Variants in PABPC4L observed in about 807,000 individuals in gnomAD.
PABPC4L encodes poly(A) binding protein cytoplasmic 4 like.
For synonymous variants in PABPC4L, 169 were observed against 164.1 expected, an observed-to-expected ratio of 1.03 and a Z score of -0.23; for missense variants, 452 against 451.4, an observed-to-expected ratio of 1.00 and a Z score of -0.01.
At chr4:134,170,324 A>T in the PABPC4L span, among the ~76,000 whole-genome samples, 1 of 152,112 alleles carries the variant, frequency 6.6e-6, no homozygotes, top group African/African-American at 2.4e-5. Context: ...ATTTTTGTTG[A>T]TTCCATGTAT....
chr4:134,183,385 T>C, the PABPC4L span, among the ~76,000 whole-genome samples: 1 of 151,732 alleles, frequency 6.6e-6, no homozygotes, highest in Non-Finnish European at 1.5e-5. Context: ...ACGTTCTCAC[T>C]TATAAGTGGG....
the PABPC4L span, among the ~76,000 whole-genome samples, chr4:133,955,526 C>CATTTTACAT: frequency 6.6e-6 from 1 of 151,986 alleles, no homozygotes; most frequent in East Asian, 1.9e-4. Flanking sequence ...TATATGAATA[C>CATTTTACAT]ATTTTACATG....
At chr4:133,950,426 C>A in the PABPC4L span, among the ~76,000 whole-genome samples, 13 of 152,124 alleles carry the variant, frequency 8.5e-5, no homozygotes, top group African/African-American at 2.7e-4. Context: ...TATTCTTTGG[C>A]AGATCACACA....
chr4:133,979,200 A>C, the PABPC4L span, among the ~76,000 whole-genome samples: 1 of 152,200 alleles, frequency 6.6e-6, no homozygotes, highest in Non-Finnish European at 1.5e-5. Context: ...AGGGAATCTC[A>C]GTGAGCAAAA....
chr4:134,085,290 T>C, the PABPC4L span, among the ~76,000 whole-genome samples: 1 of 152,100 alleles, frequency 6.6e-6, no homozygotes, highest in East Asian at 1.9e-4. Flanking sequence ...AGTATGTATG[T>C]ACATATCATA....
chr4:134,164,575 A>G, the PABPC4L span, among the ~76,000 whole-genome samples: 3,911 of 152,258 alleles, frequency 0.026, 142 homozygotes, highest in African/African-American at 0.088. Context: ...AAAAAATGTG[A>G]AAGATCATTA....
the PABPC4L span, among the ~76,000 whole-genome samples, chr4:134,046,444 C>T: frequency 2.6e-5 from 4 of 152,022 alleles, no homozygotes; most frequent in Admixed American, 6.6e-5. Context: ...AAGGAATGTA[C>T]CATCTGGTTT....
Position 134,200,370 on chromosome 4 carries a change from A to T in PABPC4L, c.650T>A (p.Leu217Gln), listed in dbSNP as rs1560839805. 1 of 1,585,220 alleles carries T rather than the reference A, an allele frequency of 6.3e-7. No homozygotes were observed. Among genetic ancestry groups the T allele is most frequent in the Non-Finnish European group, 8.6e-7 (1 of 1,164,218 alleles). Residue 217 changes from leucine (L) to glutamine (Q), a missense_variant, in exon 2 of 2, where the codon CTG (leucine) becomes CAG (glutamine). Transcript: ENST00000421491. Reference sequence around the variant, plus strand: ...GGAATCTGTCATCACCTTAACACTCAGAGTTTTGCCATATTTGCTGAAAAC... The same window carrying T: ...GGAATCTGTCATCACCTTAACACTCTGAGTTTTGCCATATTTGCTGAAAAC... ...KDVFSKYGKT[L>Q]SVKVMTDSSG...
chr4:134,172,005 A>T, the PABPC4L span, among the ~76,000 whole-genome samples: 1 of 152,124 alleles, frequency 6.6e-6, no homozygotes, highest in African/African-American at 2.4e-5. Context: ...CAGTGCTCAA[A>T]AAAATCAAAG....
At chr4:134,119,544 C>T in the PABPC4L span, among the ~76,000 whole-genome samples, 1 of 151,490 alleles carries the variant, frequency 6.6e-6, no homozygotes, top group South Asian at 2.1e-4. Flanking sequence ...TTATTAACCA[C>T]AATATTATGC....
the PABPC4L span, among the ~76,000 whole-genome samples, chr4:133,960,854 A>C: frequency 6.6e-6 from 1 of 152,044 alleles, no homozygotes; most frequent in Admixed American, 6.5e-5. Context: ...TCCTAGGTAC[A>C]CAACTCCATT....
chr4:134,132,819 T>A, the PABPC4L span, among the ~76,000 whole-genome samples: 1 of 149,496 alleles, frequency 6.7e-6, no homozygotes, highest in Non-Finnish European at 1.5e-5. Context: ...CAAATGCCCA[T>A]CAATCAATAA....
the PABPC4L span, among the ~76,000 whole-genome samples, chr4:134,132,198 A>C: frequency 1.3e-5 from 2 of 152,048 alleles, no homozygotes; most frequent in South Asian, 4.1e-4. Context: ...ATTAAACAGA[A>C]ACAAAAATAA....
At chr4:134,094,749 T>C in the PABPC4L span, among the ~76,000 whole-genome samples, 1 of 151,682 alleles carries the variant, frequency 6.6e-6, no homozygotes, top group Non-Finnish European at 1.5e-5. Context: ...ATTTTTCTTT[T>C]AAAATAGTGT....
At chr4:134,063,557 A>G in the PABPC4L span, among the ~76,000 whole-genome samples, 27 of 152,108 alleles carry the variant, frequency 1.8e-4, no homozygotes, top group Non-Finnish European at 3.4e-4. Flanking sequence ...CCACAATAAT[A>G]TAAACACTTG....
At chr4:134,081,408 G>C in the PABPC4L span, among the ~76,000 whole-genome samples, 574 of 152,248 alleles carry the variant, frequency 3.8e-3, 2 homozygotes, top group African/African-American at 0.013. Flanking sequence ...ATTAGAGGAA[G>C]TTGCATAAAG....
At chr4:134,035,522 T>C in the PABPC4L span, among the ~76,000 whole-genome samples, 1 of 152,014 alleles carries the variant, frequency 6.6e-6, no homozygotes, top group Non-Finnish European at 1.5e-5. Context: ...TTTGTGTGCT[T>C]CATGTTTGAA....
chr4:134,174,568 C>A, the PABPC4L span, among the ~76,000 whole-genome samples: 15 of 152,158 alleles, frequency 9.9e-5, no homozygotes, highest in African/African-American at 3.6e-4. Flanking sequence ...CTTATGGGAC[C>A]ACCATTGTAC....
At chr4:134,082,179 AAGG>A in the PABPC4L span, among the ~76,000 whole-genome samples, 1 of 152,192 alleles carries the variant, frequency 6.6e-6, no homozygotes, top group African/African-American at 2.4e-5. Context: ...TTTTCATTTT[AAGG>A]AGGTTATTAA....
Sources: allele counts gnomAD v4.1 joint callset (sites outside exome capture counted in the v4.1 genomes callset), GRCh38; gene constraint gnomAD v4.1.1; transcripts MANE v1.5; gene names NCBI Gene and HGNC (gene_info 2026-07-23, HGNC 2026-07-21).